Variants in ELAPOR1 observed in about 807,000 individuals in gnomAD.
The protein encoded by ELAPOR1 is endosome/lysosome-associated apoptosis and autophagy regulator 1.
A neutral mutation model predicts 119.7 loss-of-function variants in ELAPOR1; 77 were observed. The ratio of observed to expected loss-of-function variants is 0.64; its 90% CI spans 0.54 to 0.78. The LOEUF is 0.78. Among genes scored for constraint, ELAPOR1 ranks in the 30% least tolerant of loss-of-function variants. ELAPOR1 has a pLI of 0.00. For missense variants in ELAPOR1, 1,115 were observed against 1,270.4 expected (o/e 0.88, Z 1.86); for synonymous variants, 481 against 487.2 (o/e 0.99, Z 0.17).
rs370783208 is a variant in ELAPOR1, at chr1:109,183,580, C to T, written c.953-1465C>T. Among the ~76,000 whole-genome samples, 221 of 75,284 alleles carry T rather than the reference C, an allele frequency of 2.9e-3. 10 individuals are homozygous for T. In the Middle Eastern group the frequency reaches 0.078, roughly 27 times the overall value. 49.4% of individuals were successfully genotyped at this position (75,284 alleles called of 152,430 possible). A position where few individuals can be genotyped will look rare whatever the true frequency, so the allele number is the denominator to read the frequency against. The stretch of plus-strand genomic sequence containing the variant: ...TCCTTCCTTCCTTCCTTCCTTCCTT[C>T]CTTCCTTCCTTCCTTCCTTCCTTCC... On this transcript the variant is annotated intron_variant, in intron 7 of 21. Transcript: ENST00000369939.
intron 1 of ELAPOR1, among the ~76,000 whole-genome samples, chr1:109,128,842 A>C (rs932191953): frequency 6.6e-5 from 10 of 152,090 alleles, no homozygotes; most frequent in Non-Finnish European, 1.5e-4. Flanking sequence ...CACTCTGCAA[A>C]TTCTCTCATT....
At chr1:109,128,589 A>G (rs561989971) in intron 1 of ELAPOR1, among the ~76,000 whole-genome samples, 1 of 152,308 alleles carries the variant, frequency 6.6e-6, no homozygotes, top group Non-Finnish European at 1.5e-5. Context: ...CAATACCTGG[A>G]TGGGCGCTTA....
At chr1:109,191,589 G>T in intron 12 of ELAPOR1, 118 bp downstream of exon 12, 1 of 1,406,550 alleles carries the variant, frequency 7.1e-7, no homozygotes, top group Non-Finnish European at 9.9e-7. Context: ...CAGAGGAAAG[G>T]CCCAGACTGA....
At chr1:109,155,850 A>C (rs1168279501) in intron 1 of ELAPOR1, among the ~76,000 whole-genome samples, 5 of 152,180 alleles carry the variant, frequency 3.3e-5, no homozygotes, top group Non-Finnish European at 7.3e-5. Context: ...GATGGTGATT[A>C]AAATATTTTT....
At chr1:109,154,794 A>G (rs564008471) in intron 1 of ELAPOR1, among the ~76,000 whole-genome samples, 2 of 152,218 alleles carry the variant, frequency 1.3e-5, no homozygotes, top group African/African-American at 4.8e-5. Context: ...TTTCGAAGCA[A>G]CTAGGGTAAA....
chr1:109,131,646 T>A (rs992798983), intron 1 of ELAPOR1, among the ~76,000 whole-genome samples: 10 of 152,108 alleles, frequency 6.6e-5, no homozygotes, highest in Admixed American at 6.6e-4. Context: ...AAGGGAATAG[T>A]CTGTAAATAT....
intron 1 of ELAPOR1, among the ~76,000 whole-genome samples, chr1:109,144,062 T>TATATATATATATATATA (rs1296463049): frequency 5.5e-5 from 2 of 36,570 alleles, no homozygotes; most frequent in African/African-American, 1.5e-4. Flanking sequence ...TATTTATATA[T>TATATATATATATATATA]TTTTTTTTTT....
At chr1:109,168,204 C>T (rs765185978) in intron 3 of ELAPOR1, among the ~76,000 whole-genome samples, 4 of 152,162 alleles carry the variant, frequency 2.6e-5, no homozygotes, top group Non-Finnish European at 5.9e-5. Context: ...ACCTAAAAAT[C>T]CCTTCCTCAA....
At chr1:109,197,828 A>G (rs1451110954) in intron 16 of ELAPOR1, 151 bp from the exon 17 acceptor site, 1 of 957,814 alleles carries the variant, frequency 1.0e-6, no homozygotes, top group African/African-American at 1.6e-5. Flanking sequence ...GCTCCCAGGG[A>G]CTCTGACAAA....
At position 109,194,514 on chromosome 1, in the gene ELAPOR1, A is replaced by T; in HGVS notation, c.2041A>T (p.Thr681Ser). 1 of 1,613,622 alleles carries T rather than the reference A, an allele frequency of 6.2e-7. No individual in the cohort carries two copies. The highest frequency in any genetic ancestry group is 8.5e-7 in the Non-Finnish European group (1 of 1,179,698). The change falls in exon 15 of 22, where the codon ACT becomes TCT. Residue 681 changes from threonine (T) to serine (S), a missense_variant. Physicochemically the swap from Thr to Ser is moderately conservative, Grantham distance 58. Transcript: ENST00000369939. Reference sequence around the variant, plus strand: ...CTTCTCCGCTTTGGCAAACACTGTCACTCTTGCTGGAGGGCCAAGCTTCAC... The same window carrying T: ...CTTCTCCGCTTTGGCAAACACTGTCTCTCTTGCTGGAGGGCCAAGCTTCAC... ...YNFSALANTV[T>S]LAGGPSFTSK...
At chr1:109,170,336 A>G (rs1298772456) in intron 3 of ELAPOR1, among the ~76,000 whole-genome samples, 1 of 152,194 alleles carries the variant, frequency 6.6e-6, no homozygotes, top group African/African-American at 2.4e-5. Flanking sequence ...GGGAGTGTTC[A>G]TTACACCATT....
chr1:109,148,843 C>T (rs891483062), intron 1 of ELAPOR1, among the ~76,000 whole-genome samples: 5 of 152,074 alleles, frequency 3.3e-5, no homozygotes, highest in Admixed American at 3.3e-4. Flanking sequence ...TTCATAAAGC[C>T]CTGCCTTGTA....
At chr1:109,136,588 C>T (rs1440069719) in intron 1 of ELAPOR1, among the ~76,000 whole-genome samples, 1 of 152,148 alleles carries the variant, frequency 6.6e-6, no homozygotes, top group African/African-American at 2.4e-5. Context: ...ACATCCCTCG[C>T]GAACAGGGCA....
At chr1:109,186,909 A>C in intron 8 of ELAPOR1, 1 of 985,534 alleles carries the variant, frequency 1.0e-6, no homozygotes, top group African/African-American at 1.7e-5. Flanking sequence ...GTCAGACCAA[A>C]GCCTGTGTTC....
chr1:109,117,178 G>A (rs1046892403), intron 1 of ELAPOR1, among the ~76,000 whole-genome samples: 4 of 152,226 alleles, frequency 2.6e-5, no homozygotes, highest in African/African-American at 9.6e-5. Flanking sequence ...GGCCTAAACT[G>A]AAGTGGCAAA....
At position 109,197,688 on chromosome 1, in the gene ELAPOR1, A is replaced by AGAGAGAGTGTGTGTGT. The variant is rs113482805; in HGVS notation, c.2302+35_2302+36insAGAGAGTGTGTGTGTG. On this transcript the variant is annotated intron_variant, in intron 16 of 21. Transcript: ENST00000369939. ...CTCCGCTGCCTCAGCCTTGTTTGAG[A>AGAGAGAGTGTGTGTGT]GTGTGTGTGTGTGTGTGTGTGTGTG... The AGAGAGAGTGTGTGTGT allele has an allele frequency of 1.2e-3, 1,626 of 1,366,688 alleles. 6 individuals are homozygous for AGAGAGAGTGTGTGTGT. In the African/African-American group the frequency reaches 0.013, roughly 11 times the overall value. 84.7% of individuals were successfully genotyped at this position (1,366,688 alleles called of 1,614,324 possible). A position where few individuals can be genotyped will look rare whatever the true frequency, so the allele number is the denominator to read the frequency against.
rs1251670452 is a variant in ELAPOR1 at position 109,191,740 on chromosome 1, G to C, written c.1560G>C (p.Arg520Ser). 5 of 1,614,054 alleles carry C rather than the reference G, an allele frequency of 3.1e-6. No homozygotes were observed. The highest frequency in any genetic ancestry group is 1.3e-5 in the African/African-American group (1 of 74,916). ...CCTGGGTTCAGGGTGTGAATTCTAG[G>C]ACCAACACTCCTGTGGAGACGTGGA... ...ELYFMVGVNS[R>S]TNTPVETWKG... The change falls in exon 13 of 22, where the codon AGG becomes AGC. Residue 520 changes from arginine (R) to serine (S), a missense_variant. By Grantham distance (110) the Arg-to-Ser change is moderately radical. Coordinates refer to ENST00000369939, the MANE Select transcript of ELAPOR1 (RefSeq NM_020775.5).
At chr1:109,131,663 C>T (rs142355554) in intron 1 of ELAPOR1, among the ~76,000 whole-genome samples, 2,435 of 152,106 alleles carry the variant, frequency 0.016, 35 homozygotes, top group Middle Eastern at 0.027. Context: ...ATATAATGCA[C>T]GTATATAAGA....
intron 11 of ELAPOR1, among the ~76,000 whole-genome samples, chr1:109,190,842 G>T (rs963650997): frequency 6.6e-6 from 1 of 152,142 alleles, no homozygotes; most frequent in African/African-American, 2.4e-5. Context: ...CTTTAACCCC[G>T]GCAAAGCTCC....
Sources: gnomAD v4.1 joint callset for allele counts (sites outside exome capture counted in the v4.1 genomes callset) on GRCh38, gnomAD v4.1.1 for gene constraint, MANE v1.5 for transcripts, NCBI Gene and HGNC (gene_info 2026-07-23, HGNC 2026-07-21) for gene names.